The following TDO2 variants were observed in gnomAD, a reference collection of about 807,000 sequenced individuals.
The protein encoded by TDO2 is tryptamin 2,3-dioxygenase.
A neutral mutation model predicts 61.2 loss-of-function variants in TDO2; 63 were observed. The ratio of observed to expected loss-of-function variants is 1.03; its 90% CI spans 0.84 to 1.27. The LOEUF (loss-of-function observed/expected upper bound fraction) is 1.27. Among genes scored for constraint, TDO2 ranks in the 50% most tolerant of loss-of-function variants. The pLI is 0.00. For synonymous variants in TDO2, 183 were observed against 164.0 expected, an observed-to-expected ratio of 1.12 and a Z score of -0.89; for missense variants, 494 against 469.5, an observed-to-expected ratio of 1.05 and a Z score of -0.48.
chr4:155,911,321 T>C (rs1191344793), intron 6 of TDO2, among the ~76,000 whole-genome samples, 176 bp from the exon 7 acceptor site: 1 of 152,040 alleles, frequency 6.6e-6, no homozygotes, highest in African/African-American at 2.4e-5. Context: ...TTGAATATAT[T>C]AATTATTTCA....
chr4:155,907,553 A>C (rs77741499), intron 3 of TDO2, 169 bp from the exon 4 acceptor site: 3 of 564,314 alleles, frequency 5.3e-6, no homozygotes, highest in Non-Finnish European at 9.4e-6. Context: ...GGCTATTACA[A>C]CTTTAACACT....
Position 155,911,696 on chromosome 4 carries a change from C to G in TDO2, c.726+92C>G, listed in dbSNP as rs1312904770. ...TTTTGCTTTTCTCTTAACCTTTTCT[C>G]TTTCTCATATTTTTTTCTTAGACAA... is the stretch of plus-strand genomic sequence containing the variant. On this transcript the variant is annotated intron_variant, in intron 7 of 11. Coordinates refer to ENST00000536354, the MANE Select transcript of TDO2 (RefSeq NM_005651.4). 9 of 805,556 alleles carry G rather than the reference C, an allele frequency of 1.1e-5. No homozygotes were observed. The African/African-American group carries it at 1.3e-4, about 11-fold the overall frequency. 49.9% of individuals were successfully genotyped at this position (805,556 alleles called of 1,614,324 possible).
intron 7 of TDO2, 30 bp from the exon 8 acceptor site, chr4:155,914,293 A>G: frequency 1.3e-6 from 2 of 1,519,922 alleles, no homozygotes; most frequent in Non-Finnish European, 1.8e-6. Flanking sequence ...ATTCTCTCTC[A>G]GGACTATTAA....
At chr4:155,919,059 C>T (rs1742996500) in intron 11 of TDO2, among the ~76,000 whole-genome samples, 2 of 152,150 alleles carry the variant, frequency 1.3e-5, no homozygotes, top group South Asian at 4.1e-4. Context: ...TGATAACTGC[C>T]TATACCAAAT....
chr4:155,911,578 C>T lies in TDO2; in HGVS notation c.700C>T (p.Leu234=), dbSNP rs1182120060. The T allele has an allele frequency of 6.3e-7, 1 of 1,575,610 alleles. No homozygotes were observed. Among genetic ancestry groups the T allele is most frequent in the Non-Finnish European group, 8.6e-7 (1 of 1,157,938 alleles). Residue 234 remains leucine (L), a synonymous_variant, in exon 7 of 12, where the codon CTG becomes TTG. Transcript: ENST00000536354. ...GKLEKNITRG[L]EEEFIRIQAK... ...GCTTGAAAAAAATATCACCAGAGGC[C>T]TGGAAGAGGAATTCATAAGGATTCA...
intron 4 of TDO2, among the ~76,000 whole-genome samples, chr4:155,908,164 A>T (rs1742754589): frequency 6.6e-6 from 1 of 152,170 alleles, no homozygotes; most frequent in Admixed American, 6.5e-5. Context: ...AAAGAAAGTG[A>T]AAAAGGAAGA....
chr4:155,905,254 A>G (rs1742698498), intron 3 of TDO2, 97 bp downstream of exon 3: 2 of 901,008 alleles, frequency 2.2e-6, no homozygotes, highest in East Asian at 2.7e-5. Flanking sequence ...ATGAAAGATC[A>G]TGGAATCACC....
At chr4:155,918,480 T>C (rs985439358) in intron 11 of TDO2, among the ~76,000 whole-genome samples, 1 of 152,194 alleles carries the variant, frequency 6.6e-6, no homozygotes, top group African/African-American at 2.4e-5. Context: ...GGCTGCATGA[T>C]ATGTGAGGAC....
In TDO2 at chr4:155,911,570, C is replaced by T; in HGVS notation, c.692C>T (p.Thr231Ile). Residue 231 changes from threonine to isoleucine, a missense_variant, in exon 7 of 12, where the codon ACC becomes ATC. By Grantham distance (89) the Thr-to-Ile change is moderately conservative. Transcript: ENST00000536354. ...NFWGKLEKNI[T>I]RGLEEEFIRI... ...TGGGGAAAGCTTGAAAAAAATATCA[C>T]CAGAGGCCTGGAAGAGGAATTCATA... is the stretch of plus-strand genomic sequence containing the variant. 6.3e-7 allele frequency: 1 copy of T among 1,582,492 alleles called. No individual in the cohort carries two copies. Among genetic ancestry groups the T allele is most frequent in the Non-Finnish European group, 8.6e-7 (1 of 1,161,522 alleles).
rs373173702 is a variant in TDO2, at chr4:155,915,931, G to A, written c.896+19G>A. The A allele has an allele frequency of 1.9e-6, 3 of 1,599,228 alleles. No individual in the cohort carries two copies. Among genetic ancestry groups the A allele is most frequent in the Middle Eastern group, 1.7e-4 (1 of 6,026 alleles). On this transcript the variant is annotated intron_variant, in intron 9 of 11. Transcript: ENST00000536354. The stretch of plus-strand genomic sequence containing the variant: ...TTTACAGGTAAAGCAAATCCGAAGA[G>A]AGACTGAAGTTAAAATTGAGGGGTG...
chr4:155,906,622 G>C (rs2110865175), intron 3 of TDO2: 1 of 152,222 alleles, frequency 6.6e-6, no homozygotes, highest in East Asian at 1.9e-4. Flanking sequence ...ACTGTGCTAG[G>C]TAATGAAGAA....
At chr4:155,918,307 T>C (rs1453330980) in intron 11 of TDO2, 68 bp downstream of exon 11, 6 of 1,509,588 alleles carry the variant, frequency 4.0e-6, no homozygotes, top group African/African-American at 2.8e-5. Context: ...ACCTATACAT[T>C]TGCTATCTAA....
At chr4:155,915,823 T>TA in intron 8 of TDO2, 32 bp from the exon 9 acceptor site, 1 of 1,587,588 alleles carries the variant, frequency 6.3e-7, no homozygotes, top group Non-Finnish European at 8.6e-7. Flanking sequence ...TTAAATGACC[T>TA]AAAAAATTTA....
chr4:155,917,783 G>T (rs763766664), intron 10 of TDO2, among the ~76,000 whole-genome samples: 48 of 151,964 alleles, frequency 3.2e-4, no homozygotes, highest in Non-Finnish European at 5.9e-4. Flanking sequence ...TAATTTATTT[G>T]CCATTATGCC....
chr4:155,911,828 T>C (rs1742838979), intron 7 of TDO2, among the ~76,000 whole-genome samples: 1 of 152,172 alleles, frequency 6.6e-6, no homozygotes, highest in South Asian at 2.1e-4. Flanking sequence ...TTGTCTATGA[T>C]AACTAGCTGA....
intron 2 of TDO2, among the ~76,000 whole-genome samples, chr4:155,904,517 A>G (rs1285075839): frequency 6.6e-6 from 1 of 152,222 alleles, no homozygotes; most frequent in African/African-American, 2.4e-5. Flanking sequence ...GTCGAAATGT[A>G]AAAGGCACAC....
chr4:155,906,044 G>A (rs576947842), intron 3 of TDO2: 1 of 152,236 alleles, frequency 6.6e-6, no homozygotes, highest in African/African-American at 2.4e-5. Context: ...CATAAATTAG[G>A]AATTTAAAAA....
chr4:155,915,954 G>A (rs775390534), intron 9 of TDO2, 42 bp downstream of exon 9: 2 of 1,535,706 alleles, frequency 1.3e-6, no homozygotes, highest in Non-Finnish European at 1.8e-6. Context: ...AAATTGAGGG[G>A]TGGATATGGA....
chr4:155,917,234 T>C (rs892648613), intron 9 of TDO2, among the ~76,000 whole-genome samples, 161 bp from the exon 10 acceptor site: 1 of 152,188 alleles, frequency 6.6e-6, no homozygotes, highest in Non-Finnish European at 1.5e-5. Flanking sequence ...ATCTTTGAGA[T>C]GGAGAAACTG....
Sources: gnomAD v4.1 joint callset for allele counts (sites outside exome capture counted in the v4.1 genomes callset) on GRCh38, gnomAD v4.1.1 for gene constraint, MANE v1.5 for transcripts, NCBI Gene and HGNC (gene_info 2026-07-23, HGNC 2026-07-21) for gene names.